Variants in MPZL3 observed in about 807,000 individuals in gnomAD.
MPZL3 encodes myelin protein zero-like protein 3.
In MPZL3, 23 loss-of-function variants were observed where a neutral mutation model predicts 24.8. The ratio of observed to expected loss-of-function variants is 0.93; its 90% CI spans 0.67 to 1.31. The LOEUF (loss-of-function observed/expected upper bound fraction) is 1.31, where lower values mean the gene tolerates loss of function less well. Ranked by LOEUF, MPZL3 falls within the 40% of genes most tolerant of loss-of-function variation. The pLI is 0.00. For missense variants in MPZL3, 277 were observed against 294.9 expected, an observed-to-expected ratio of 0.94 and a Z score of 0.44; for synonymous variants, 99 against 106.5, an observed-to-expected ratio of 0.93 and a Z score of 0.44.
chr11:118,228,156 C>A lies in MPZL3; in HGVS notation c.*1738G>T, dbSNP rs1392918517. The A allele has an allele frequency of 6.6e-6, 1 of 151,906 alleles. No individual in the cohort carries two copies. Among genetic ancestry groups the A allele is most frequent in the Non-Finnish European group, 1.5e-5 (1 of 68,028 alleles). The allele number at this position is 151,906 out of a possible 1,614,324, so 9.4% of individuals were successfully genotyped here. ...CTAACCAGATTCGCTCATCTGTGGA[C>A]TAGGTTAACAGAAGAGGCTAGGCCA... On this transcript the variant is annotated 3_prime_UTR_variant, in exon 6 of 6. Coordinates refer to ENST00000278949, the MANE Select transcript of MPZL3 (RefSeq NM_198275.3).
chr11:118,233,611 G>A, intron 4 of MPZL3, 88 bp from the exon 5 acceptor site: 1 of 1,396,302 alleles, frequency 7.2e-7, no homozygotes, highest in East Asian at 2.3e-5. Context: ...AATCAGACAG[G>A]TCTGGTTTTA....
At position 118,229,645 on chromosome 11, in the gene MPZL3, T is replaced by C; in HGVS notation, c.*249A>G. The C allele has an allele frequency of 5.2e-6, 2 of 386,480 alleles. No homozygotes were observed. Among genetic ancestry groups the C allele is most frequent in the Non-Finnish European group, 9.2e-6 (2 of 216,232 alleles). The allele number at this position is 386,480 out of a possible 1,614,324, so 23.9% of individuals were successfully genotyped here. On this transcript the variant is annotated 3_prime_UTR_variant, in exon 6 of 6. Coordinates refer to ENST00000278949, the MANE Select transcript of MPZL3 (RefSeq NM_198275.3). ...TTGCTCAGGAAAAGAATTTCTTCAT[T>C]CAATTACAGCATAATTCATTGAAAG...
At position 118,240,342 on chromosome 11, in the gene MPZL3, C is replaced by T. The variant is rs761979290; in HGVS notation, c.109G>A (p.Asp37Asn). The T allele has an allele frequency of 6.2e-7, 1 of 1,607,468 alleles. No individual in the cohort carries two copies. Among genetic ancestry groups the T allele is most frequent in the East Asian group, 2.2e-5 (1 of 44,558 alleles). ...YIVFSLEIRA[D>N]AHVRGYVGEK... is the part of the protein sequence containing the mutation. ...CCAACATAACCTCGGACATGGGCAT[C>T]TGCACGAATCTCCAAGGAAAAGACG... Residue 37 changes from aspartate to asparagine, a missense_variant, in exon 2 of 6, where the codon GAT becomes AAT. Physicochemically the swap from Asp to Asn is conservative, Grantham distance 23. Coordinates refer to ENST00000278949, the MANE Select transcript of MPZL3 (RefSeq NM_198275.3).
intron 2 of MPZL3, 31 bp downstream of exon 2, chr11:118,240,180 A>T: frequency 6.6e-7 from 1 of 1,508,326 alleles, no homozygotes; most frequent in East Asian, 2.6e-5. Flanking sequence ...ACTGTTGACC[A>T]AAGGAACATT....
At chr11:118,235,314 A>G (rs1949408574) in intron 4 of MPZL3, 110 bp downstream of exon 4, 1 of 1,305,834 alleles carries the variant, frequency 7.7e-7, no homozygotes, top group African/African-American at 1.5e-5. Flanking sequence ...AAGAAAGTTC[A>G]CCAGCAGAAC....
At chr11:118,232,552 G>A (rs952458923) in intron 5 of MPZL3, among the ~76,000 whole-genome samples, 3 of 151,966 alleles carry the variant, frequency 2.0e-5, no homozygotes, top group Admixed American at 1.3e-4. Flanking sequence ...CATATGGCAC[G>A]TGACAGATGC....
intron 1 of MPZL3, among the ~76,000 whole-genome samples, chr11:118,251,793 C>T (rs1434445973): frequency 6.6e-6 from 1 of 152,158 alleles, no homozygotes; most frequent in Admixed American, 6.5e-5. Context: ...AATAAAATTA[C>T]CAACTGTCAT....
intron 4 of MPZL3, among the ~76,000 whole-genome samples, chr11:118,234,467 G>C (rs985058583): frequency 3.3e-5 from 5 of 152,118 alleles, no homozygotes; most frequent in African/African-American, 1.2e-4. Flanking sequence ...AAGTCAAAAG[G>C]AGGGGTCTTA....
intron 1 of MPZL3, among the ~76,000 whole-genome samples, chr11:118,248,358 A>G (rs11216832): frequency 2.6e-5 from 4 of 151,896 alleles, no homozygotes; most frequent in Admixed American, 2.6e-4. Flanking sequence ...AATAAGCATT[A>G]AAATTACACA....
intron 5 of MPZL3, among the ~76,000 whole-genome samples, chr11:118,232,217 G>A (rs1345266017): frequency 2.0e-5 from 3 of 151,980 alleles, no homozygotes; most frequent in Non-Finnish European, 2.9e-5. Flanking sequence ...TGCCTGAAAC[G>A]CTCCTCCACA....
In MPZL3 at chr11:118,233,464, C is replaced by T. The variant is rs769700331; in HGVS notation, c.677G>A (p.Cys226Tyr). ...MARLCVRCAECLDSDYEETY is the reference protein window; with the variant it reads ...MARLCVRCAEYLDSDYEETY ...GAAGGAATGGCATGCACTTACCAGGCACTCAGCGCAACGGACACAAAGCCT... is the reference window on the plus strand; with the variant it reads ...GAAGGAATGGCATGCACTTACCAGGTACTCAGCGCAACGGACACAAAGCCT... Residue 226 changes from cysteine to tyrosine, a missense_variant, in exon 5 of 6, where the codon TGC (cysteine) becomes TAC (tyrosine). Transcript: ENST00000278949. The T allele has an allele frequency of 1.2e-6, 2 of 1,613,878 alleles. No individual in the cohort carries two copies. The highest frequency in any genetic ancestry group is 4.5e-5 in the East Asian group (2 of 44,870).
rs532347317 is a variant in MPZL3, at chr11:118,227,593, C to A, written c.*2301G>T. ...ACTAAGTTATCAACGTACTCCCTTA[C>A]CACGAAGGACTTCATTCAGTCATTT... is the stretch of plus-strand genomic sequence containing the variant. On this transcript the variant is annotated 3_prime_UTR_variant, in exon 6 of 6. Coordinates refer to ENST00000278949, the MANE Select transcript of MPZL3 (RefSeq NM_198275.3). The A allele has an allele frequency of 3.9e-5, 6 of 152,238 alleles. No individual in the cohort carries two copies. In the South Asian group the frequency reaches 1.2e-3, roughly 32 times the overall value. The allele number at this position is 152,238 out of a possible 1,614,324, so 9.4% of individuals were successfully genotyped here. A position where few individuals can be genotyped will look rare whatever the true frequency, so the allele number is the denominator to read the frequency against.
chr11:118,232,407 G>C (rs538291550), intron 5 of MPZL3, among the ~76,000 whole-genome samples: 2 of 149,986 alleles, frequency 1.3e-5, no homozygotes, highest in African/African-American at 4.9e-5. Context: ...TAAAAACTTT[G>C]TGAGTATTTG....
intron 5 of MPZL3, 140 bp downstream of exon 5, chr11:118,233,320 T>G: frequency 1.1e-6 from 1 of 911,064 alleles, no homozygotes; most frequent in Non-Finnish European, 1.7e-6. Flanking sequence ...CCAAAATGCT[T>G]TGGGGAAAGA....
intron 1 of MPZL3, among the ~76,000 whole-genome samples, chr11:118,250,707 A>G (rs1279106365): frequency 1.3e-5 from 2 of 151,912 alleles, no homozygotes; most frequent in Admixed American, 1.3e-4. Flanking sequence ...CAGCCTCCCG[A>G]GTAGCTGGGA....
At chr11:118,243,417 C>T (rs1016383676) in intron 1 of MPZL3, among the ~76,000 whole-genome samples, 1 of 152,164 alleles carries the variant, frequency 6.6e-6, no homozygotes, top group Admixed American at 6.5e-5. Flanking sequence ...TTTTCCTATG[C>T]GAGGCCAGGT....
At chr11:118,234,284 T>C (rs550383482) in intron 4 of MPZL3, among the ~76,000 whole-genome samples, 33 of 152,268 alleles carry the variant, frequency 2.2e-4, no homozygotes, top group South Asian at 1.9e-3. Flanking sequence ...TGCAGTGTGA[T>C]AAGTGTTTTA....
intron 1 of MPZL3, among the ~76,000 whole-genome samples, chr11:118,244,091 T>C (rs184519719): frequency 5.6e-4 from 85 of 152,296 alleles, no homozygotes; most frequent in African/African-American, 2.0e-3. Context: ...AAAACCCCAG[T>C]AGACACTTTT....
chr11:118,251,513 G>A (rs921892724), intron 1 of MPZL3, among the ~76,000 whole-genome samples: 1 of 151,588 alleles, frequency 6.6e-6, no homozygotes, highest in South Asian at 2.1e-4. Context: ...AGGTAATTAG[G>A]CTGGATTGAA....
Sources: gnomAD v4.1 joint callset for allele counts (sites outside exome capture counted in the v4.1 genomes callset) on GRCh38, gnomAD v4.1.1 for gene constraint, MANE v1.5 for transcripts, NCBI Gene and HGNC (gene_info 2026-07-23, HGNC 2026-07-21) for gene names.